Variants in USP13 observed in about 807,000 individuals in gnomAD.
The protein encoded by USP13 is ubiquitin specific peptidase 13.
A neutral mutation model predicts 107.8 loss-of-function variants in USP13; 68 were observed. The observed-to-expected ratio is 0.63, with a 90% confidence interval of 0.52 to 0.77. The LOEUF is 0.77. Ranked by LOEUF, USP13 falls within the 30% of genes least tolerant of loss-of-function variation. USP13 has a pLI of 0.00. For synonymous variants in USP13, 377 were observed against 389.5 expected (o/e 0.97, Z 0.38); for missense variants, 945 against 1,093.3 (o/e 0.86, Z 1.91).
chr3:179,720,946 C>T (rs1713291498), intron 7 of USP13, among the ~76,000 whole-genome samples: 2 of 151,510 alleles, frequency 1.3e-5, no homozygotes, highest in African/African-American at 4.9e-5. Flanking sequence ...GTAGCTGGGA[C>T]TAAAGGCATG....
chr3:179,779,519 G>A (rs575811171), intron 19 of USP13, among the ~76,000 whole-genome samples: 1 of 152,094 alleles, frequency 6.6e-6, no homozygotes, highest in South Asian at 2.1e-4. Context: ...GACAGAGCGA[G>A]ACTCCATGTC....
In USP13 at chr3:179,784,049, T is replaced by C; in HGVS notation, c.2500T>C (p.Trp834Arg). Residue 834 changes from tryptophan (W) to arginine (R), a missense_variant and splice_region_variant, in exon 21 of 21, where the codon TGG (tryptophan) becomes CGG (arginine). Transcript: ENST00000263966. Reference protein sequence around the residue: ...YICHIKKEGRWVIYNDHKVCA... With the variant: ...YICHIKKEGRRVIYNDHKVCA... ...CAAATGCTTCTGTCTTATTTTCAGATGGGTGATTTACAATGACCACAAAGT... is the reference window on the plus strand; with the variant it reads ...CAAATGCTTCTGTCTTATTTTCAGACGGGTGATTTACAATGACCACAAAGT... The C allele has an allele frequency of 6.2e-7, 1 of 1,608,288 alleles. No homozygotes were observed. The highest frequency in any genetic ancestry group is 8.5e-7 in the Non-Finnish European group (1 of 1,178,352).
chr3:179,740,211 A>G, intron 10 of USP13, 36 bp from the exon 11 acceptor site: 1 of 1,609,310 alleles, frequency 6.2e-7, no homozygotes, highest in Non-Finnish European at 8.5e-7. Context: ...AATTTGCATG[A>G]AAGTATCATA....
intron 16 of USP13, among the ~76,000 whole-genome samples, chr3:179,760,484 C>T (rs1460363228): frequency 2.6e-5 from 4 of 152,158 alleles, no homozygotes; most frequent in East Asian, 3.9e-4. Context: ...GGGGTTTCAC[C>T]GTGTTAGCCA....
chr3:179,710,323 G>A (rs892286284), intron 6 of USP13, among the ~76,000 whole-genome samples: 2 of 152,174 alleles, frequency 1.3e-5, no homozygotes, highest in Non-Finnish European at 2.9e-5. Flanking sequence ...TGTCCTTTTA[G>A]GGGATTGTAG....
chr3:179,774,128 C>T (rs1338045901), intron 19 of USP13, among the ~76,000 whole-genome samples: 1 of 152,122 alleles, frequency 6.6e-6, no homozygotes, highest in Admixed American at 6.5e-5. Flanking sequence ...GCAAGCGTGT[C>T]ACGTGGCAAG....
chr3:179,685,890 G>A (rs1711856973), intron 2 of USP13, among the ~76,000 whole-genome samples: 1 of 152,064 alleles, frequency 6.6e-6, no homozygotes, highest in Non-Finnish European at 1.5e-5. Flanking sequence ...TACTTCTCAT[G>A]ATTCATTTTT....
rs1411208969 is a variant in USP13, at chr3:179,721,796, G to T, written c.1088+207G>T. On this transcript the variant is annotated intron_variant, in intron 8 of 20. Coordinates refer to ENST00000263966, the MANE Select transcript of USP13 (RefSeq NM_003940.3). The surrounding 1 kb of genome is among the most constrained non-coding windows in gnomAD (Gnocchi z 4.3). Reference sequence around the variant, plus strand: ...GAGATAAGAAGAGCTTTGTGGCCGGGCGCAGTGTCTAACGCCTGTAATCTC... The same window carrying T: ...GAGATAAGAAGAGCTTTGTGGCCGGTCGCAGTGTCTAACGCCTGTAATCTC... 2.0e-5 allele frequency among the ~76,000 whole-genome samples: 3 copies of T among 152,146 alleles called. No homozygotes were observed. In the East Asian group the frequency reaches 5.8e-4, roughly 29 times the overall value.
chr3:179,711,247 C>G (rs1215954768), intron 6 of USP13, among the ~76,000 whole-genome samples: 1 of 152,090 alleles, frequency 6.6e-6, no homozygotes, highest in Non-Finnish European at 1.5e-5. Context: ...GAGACAGAGT[C>G]TCACTCTGTC....
intron 17 of USP13, among the ~76,000 whole-genome samples, chr3:179,762,744 A>C (rs1212514424): frequency 1.3e-5 from 2 of 151,998 alleles, no homozygotes; most frequent in East Asian, 3.9e-4. Context: ...ATGGACATTT[A>C]TTTTTACTTC....
In USP13 at chr3:179,788,811, G is replaced by T. The variant is rs914849820; in HGVS notation, c.*4670G>T. ...TAAATAGGAAACGCAATTCTGCAAA[G>T]TATCTAAATAGACAGAAACAACACA... On this transcript the variant is annotated 3_prime_UTR_variant, in exon 21 of 21. Transcript: ENST00000263966. 2.6e-5 allele frequency: 4 copies of T among 152,174 alleles called. No homozygotes were observed. Among genetic ancestry groups the T allele is most frequent in the African/African-American group, 9.7e-5 (4 of 41,422 alleles). 9.4% of individuals were successfully genotyped at this position (152,174 alleles called of 1,614,324 possible).
rs552969967 is a variant in USP13, at chr3:179,752,293, G to A, written c.1718G>A (p.Arg573His). ...QAKSAGVKTS[R>H]FASFPEYLVV... The stretch of plus-strand genomic sequence containing the variant: ...CCCCTTGTGTTTCCCAGAACATCTC[G>A]CTTTGCTTCATTCCCTGAATACTTG... Residue 573 changes from arginine to histidine, a missense_variant, in exon 14 of 21, where the codon CGC becomes CAC. Physicochemically the swap from Arg to His is conservative, Grantham distance 29. Transcript: ENST00000263966. The A allele has an allele frequency of 9.9e-6, 16 of 1,613,554 alleles. No homozygotes were observed. Among genetic ancestry groups the A allele is most frequent in the African/African-American group, 5.3e-5 (4 of 74,884 alleles).
At chr3:179,778,598 T>C (rs1715626809) in intron 19 of USP13, among the ~76,000 whole-genome samples, 1 of 152,152 alleles carries the variant, frequency 6.6e-6, no homozygotes, top group African/African-American at 2.4e-5. Context: ...ACCCCGTCTC[T>C]ACTAAAAATG....
At chr3:179,764,573 T>C (rs1715114005) in intron 18 of USP13, among the ~76,000 whole-genome samples, 1 of 152,126 alleles carries the variant, frequency 6.6e-6, no homozygotes. Flanking sequence ...GGTAAATGTC[T>C]CTTAAAAGTC....
intron 13 of USP13, among the ~76,000 whole-genome samples, chr3:179,750,850 G>T (rs1714584958): frequency 6.6e-6 from 1 of 152,216 alleles, no homozygotes; most frequent in Admixed American, 6.5e-5. Flanking sequence ...GATTTGGAGT[G>T]AATGAAGTGG....
At chr3:179,758,767 G>A (rs1714899353) in intron 16 of USP13, among the ~76,000 whole-genome samples, 1 of 151,786 alleles carries the variant, frequency 6.6e-6, no homozygotes, top group Non-Finnish European at 1.5e-5. Context: ...CAACGTGCTG[G>A]GATTACACAC....
chr3:179,666,798 C>G (rs1027733102), intron 1 of USP13, among the ~76,000 whole-genome samples: 1 of 152,172 alleles, frequency 6.6e-6, no homozygotes, highest in African/African-American at 2.4e-5. Flanking sequence ...ATGTGCTTGC[C>G]GACAGCCGCC....
chr3:179,733,935 A>G (rs1713897614), intron 10 of USP13, among the ~76,000 whole-genome samples: 1 of 152,150 alleles, frequency 6.6e-6, no homozygotes, highest in Admixed American at 6.6e-5. Flanking sequence ...TGATCACCGC[A>G]TTATCCTACT....
At position 179,719,963 on chromosome 3, in the gene USP13, G is replaced by A; in HGVS notation, c.829G>A (p.Glu277Lys). 6.2e-7 allele frequency: 1 copy of A among 1,613,960 alleles called. No homozygotes were observed. Among genetic ancestry groups the A allele is most frequent in the Non-Finnish European group, 8.5e-7 (1 of 1,179,944 alleles). ...AGATGTTTATTCTTTTCAAGAAGAA[G>A]AACCTGTTTTGGATCCTCATTTGGC... Reference protein sequence around the residue: ...GADVYSFQEEEPVLDPHLAKH... With the variant: ...GADVYSFQEEKPVLDPHLAKH... The change falls in exon 7 of 21, where the codon GAA (glutamate) becomes AAA (lysine). Residue 277 changes from glutamate (E) to lysine (K), a missense_variant. Coordinates refer to ENST00000263966, the MANE Select transcript of USP13 (RefSeq NM_003940.3).
Sources: gnomAD v4.1 joint callset for allele counts (sites outside exome capture counted in the v4.1 genomes callset) on GRCh38, gnomAD v4.1.1 for gene constraint, Gnocchi (gnomAD v3.1) non-coding constraint, MANE v1.5 for transcripts, NCBI Gene and HGNC (gene_info 2026-07-23, HGNC 2026-07-21) for gene names.